EPHB1: variants seen among roughly 807,000 people sequenced by gnomAD.
EPHB1 encodes the protein EPH receptor B1.
EPHB1 carries 30 observed loss-of-function variants against 94.4 expected under a neutral mutation model. The ratio of observed to expected loss-of-function variants is 0.32; its 90% CI spans 0.24 to 0.43. The LOEUF (loss-of-function observed/expected upper bound fraction) is 0.43. Among genes scored for constraint, EPHB1 ranks in the 20% least tolerant of loss-of-function variants. The probability of loss-of-function intolerance (pLI) is 1.00; values close to 1 mark genes in which losing one functional copy is unlikely to be tolerated. For missense variants in EPHB1, 1,055 were observed against 1,308.3 expected, an observed-to-expected ratio of 0.81 and a Z score of 2.99; for synonymous variants, 522 against 489.1, an observed-to-expected ratio of 1.07 and a Z score of -0.89.
chr3:135,073,524 A>G (rs1450011357), intron 3 of EPHB1, among the ~76,000 whole-genome samples: 1 of 152,234 alleles, frequency 6.6e-6, no homozygotes, highest in Non-Finnish European at 1.5e-5. Context: ...TAAATATTTC[A>G]GAGCATATCT....
At chr3:134,880,683 G>A (rs532432602) in intron 1 of EPHB1, among the ~76,000 whole-genome samples, 1 of 152,328 alleles carries the variant, frequency 6.6e-6, no homozygotes. Context: ...TCATGTTGTT[G>A]GACCACCCTC....
chr3:135,167,769 C>A (rs13340129), intron 9 of EPHB1, among the ~76,000 whole-genome samples: 7,524 of 152,236 alleles, frequency 0.049, 643 homozygotes, highest in African/African-American at 0.17. Flanking sequence ...CTTTTGAATT[C>A]GACAGATGCC....
chr3:135,005,798 T>C (rs1425392667), intron 3 of EPHB1, among the ~76,000 whole-genome samples: 2 of 152,378 alleles, frequency 1.3e-5, no homozygotes, highest in Admixed American at 6.5e-5. Context: ...AGTGAGGCAA[T>C]GCCTTGCCCT....
chr3:134,816,727 T>A (rs898363705), intron 1 of EPHB1, among the ~76,000 whole-genome samples: 3 of 151,958 alleles, frequency 2.0e-5, no homozygotes, highest in Admixed American at 6.6e-5. Flanking sequence ...TGGTGTGTAG[T>A]CCTTGCCTAC....
chr3:134,811,547 CTTTTTAAGACT>C (rs1391364205), intron 1 of EPHB1, among the ~76,000 whole-genome samples: 14 of 151,192 alleles, frequency 9.3e-5, no homozygotes, highest in Non-Finnish European at 1.5e-5. Context: ...CCTAAGAAGC[CTTTTTAAGACT>C]TTTTTTTTTT....
rs1932964670 is a variant in EPHB1, at chr3:135,249,304, G to A, written c.2691-32G>A. The A allele has an allele frequency of 2.5e-6, 4 of 1,591,860 alleles. No homozygotes were observed. The South Asian group carries it at 4.6e-5, about 18-fold the overall frequency. ...GGCACTGTCCATGCATCTCTGCAATGTGTGGTCACCTGCCCATCTCTGTCT... is the reference window on the plus strand; with the variant it reads ...GGCACTGTCCATGCATCTCTGCAATATGTGGTCACCTGCCCATCTCTGTCT... On this transcript the variant is annotated intron_variant, in intron 14 of 15. Transcript: ENST00000398015.
intron 3 of EPHB1, among the ~76,000 whole-genome samples, chr3:135,076,234 G>GATATAT (rs60727518): frequency 0.034 from 4,442 of 130,948 alleles, 211 homozygotes; most frequent in East Asian, 0.11. Flanking sequence ...TCTGAAAAGG[G>GATATAT]ATATATATAT....
chr3:134,835,520 G>A (rs2036657993), intron 1 of EPHB1, among the ~76,000 whole-genome samples: 1 of 152,158 alleles, frequency 6.6e-6, no homozygotes, highest in Admixed American at 6.5e-5. Context: ...CCACAACCCT[G>A]CTCCCCCAGT....
chr3:135,059,131 GC>G (rs1408793994), intron 3 of EPHB1, among the ~76,000 whole-genome samples: 18 of 152,244 alleles, frequency 1.2e-4, no homozygotes, highest in Non-Finnish European at 1.9e-4. Flanking sequence ...CCGATGTGCA[GC>G]AGATTCTTCT....
At chr3:135,084,273 A>G (rs1294053247) in intron 3 of EPHB1, among the ~76,000 whole-genome samples, 1 of 152,148 alleles carries the variant, frequency 6.6e-6, no homozygotes, top group Non-Finnish European at 1.5e-5. Flanking sequence ...CCAAATCCTG[A>G]TGAGCTGAGT....
intron 1 of EPHB1, among the ~76,000 whole-genome samples, chr3:134,901,856 C>T (rs1035467798): frequency 6.6e-6 from 1 of 152,184 alleles, no homozygotes; most frequent in Non-Finnish European, 1.5e-5. Flanking sequence ...GTCAAGTGAA[C>T]GCAGTACCTG....
At chr3:134,940,474 C>T (rs1159558203) in intron 2 of EPHB1, among the ~76,000 whole-genome samples, 1 of 152,230 alleles carries the variant, frequency 6.6e-6, no homozygotes, top group Non-Finnish European at 1.5e-5. Flanking sequence ...GCAACCTCTC[C>T]AGCTTCATAT....
At chr3:135,185,379 G>T (rs78991518) in intron 10 of EPHB1, among the ~76,000 whole-genome samples, 3 of 152,128 alleles carry the variant, frequency 2.0e-5, no homozygotes, top group African/African-American at 7.2e-5. Context: ...TAGAAGTTAC[G>T]GCAAGAAGCA....
Position 135,241,155 on chromosome 3 carries a change from A to C in EPHB1, c.2354A>C (p.Lys785Thr). ...GGTTTCTCCTTCTTTCAGGGAGGGA[A>C]GATCCCTGTGAGATGGACAGCTCCA... ...DPTYTSSLGG[K>T]IPVRWTAPEA... Residue 785 changes from lysine to threonine, a missense_variant, in exon 13 of 16, where the codon AAG becomes ACG. By Grantham distance (78) the Lys-to-Thr change is moderately conservative. Transcript: ENST00000398015. The C allele has an allele frequency of 6.2e-7, 1 of 1,614,212 alleles. No individual in the cohort carries two copies. Among genetic ancestry groups the C allele is most frequent in the Non-Finnish European group, 8.5e-7 (1 of 1,180,034 alleles).
At chr3:135,104,232 G>A (rs555612959) in intron 3 of EPHB1, among the ~76,000 whole-genome samples, 1 of 152,276 alleles carries the variant, frequency 6.6e-6, no homozygotes, top group South Asian at 2.1e-4. Flanking sequence ...TAGGAAAAGA[G>A]CCAAGTGTTT....
At chr3:134,933,749 C>T (rs1195655307) in intron 2 of EPHB1, among the ~76,000 whole-genome samples, 5 of 152,168 alleles carry the variant, frequency 3.3e-5, no homozygotes, top group Non-Finnish European at 7.4e-5. Context: ...AACAATTATG[C>T]TCCACTGTCT....
chr3:135,251,720 G>C (rs1484336554), intron 15 of EPHB1, among the ~76,000 whole-genome samples: 1 of 152,182 alleles, frequency 6.6e-6, no homozygotes, highest in African/African-American at 2.4e-5. Context: ...GCATCCCTTG[G>C]GAGACTGACT....
intron 3 of EPHB1, 67 bp from the exon 4 acceptor site, chr3:135,106,381 G>A (rs972886739): frequency 1.7e-5 from 26 of 1,572,670 alleles, no homozygotes; most frequent in South Asian, 4.5e-5. Context: ...CTCCTTTTCC[G>A]GTTGTAGGGA....
At chr3:134,815,417 T>C (rs188802898) in intron 1 of EPHB1, among the ~76,000 whole-genome samples, 71 of 151,976 alleles carry the variant, frequency 4.7e-4, no homozygotes, top group African/African-American at 1.7e-3. Flanking sequence ...AATATATATG[T>C]AATATCATAT....
Sources: gnomAD v4.1 joint callset for allele counts (sites outside exome capture counted in the v4.1 genomes callset) on GRCh38, gnomAD v4.1.1 for gene constraint, MANE v1.5 for transcripts, NCBI Gene and HGNC (gene_info 2026-07-23, HGNC 2026-07-21) for gene names.